NIPBL: variants seen among roughly 807,000 people sequenced by gnomAD.
NIPBL encodes the protein NIPBL cohesin loading factor, also known as nipped-B-like protein.
A neutral mutation model predicts 321.8 loss-of-function variants in NIPBL; 19 were observed. That is an observed-to-expected ratio of 0.06 (90% CI 0.04 to 0.09). The LOEUF (loss-of-function observed/expected upper bound fraction) is 0.09, where lower values mean the gene tolerates loss of function less well. NIPBL is among the 10% of genes least tolerant of loss of function. NIPBL has a pLI of 1.00. For missense variants in NIPBL, 2,210 were observed against 3,327.0 expected, an observed-to-expected ratio of 0.66 and a Z score of 8.26; for synonymous variants, 1,106 against 1,114.1, an observed-to-expected ratio of 0.99 and a Z score of 0.14.
At chr5:36,949,935 G>A (rs1009821567) in intron 1 of NIPBL, among the ~76,000 whole-genome samples, 2 of 151,866 alleles carry the variant, frequency 1.3e-5, no homozygotes, top group African/African-American at 4.8e-5. Context: ...CATTAGAATG[G>A]ACTAAATTGA....
intron 29 of NIPBL, among the ~76,000 whole-genome samples, chr5:37,023,775 T>TA (rs796068369): frequency 0.087 from 12,081 of 138,330 alleles, 700 homozygotes; most frequent in Admixed American, 0.13. Flanking sequence ...TTTTTTTTTT[T>TA]ACATCCCATA....
intron 16 of NIPBL, among the ~76,000 whole-genome samples, chr5:37,004,933 A>G (rs979037324): frequency 6.6e-6 from 1 of 152,210 alleles, no homozygotes; most frequent in African/African-American, 2.4e-5. Flanking sequence ...GGTGTTTACA[A>G]AAGCCACAGG....
rs1245317254 is a variant in NIPBL, at chr5:37,022,813, G to A, written c.5574+423G>A. On this transcript the variant is annotated intron_variant, in intron 29 of 46. Coordinates refer to ENST00000282516, the MANE Select transcript of NIPBL (RefSeq NM_133433.4). The stretch of plus-strand genomic sequence containing the variant: ...CTGACAATATTTTTGGATCCCTTAG[G>A]TGCATCTTCTTGTTTCCTTAAAGCT... Among the ~76,000 whole-genome samples, 3 of 152,104 alleles carry A rather than the reference G, an allele frequency of 2.0e-5. No individual in the cohort carries two copies. In the East Asian group the frequency reaches 5.8e-4, roughly 29 times the overall value.
chr5:36,890,980 T>G (rs1336811645), intron 1 of NIPBL, among the ~76,000 whole-genome samples: 1 of 152,162 alleles, frequency 6.6e-6, no homozygotes, highest in Non-Finnish European at 1.5e-5. Context: ...AATAAAAGAC[T>G]TCAGGCCGGG....
rs774131588 is a variant in NIPBL, at chr5:37,020,766, T to G, written c.5226-9T>G. The G allele has an allele frequency of 1.3e-5, 21 of 1,612,904 alleles. No individual in the cohort carries two copies. The highest frequency in any genetic ancestry group is 1.6e-4 in the Middle Eastern group (1 of 6,080). Reference sequence around the variant, plus strand: ...AGAAAAATAAATTTTTAATGACTTTTTGTTGCAGGATGAACTCTGATACTG... The same window carrying G: ...AGAAAAATAAATTTTTAATGACTTTGTGTTGCAGGATGAACTCTGATACTG... On this transcript the variant is annotated splice_polypyrimidine_tract_variant and intron_variant, in intron 26 of 46. Coordinates refer to ENST00000282516, the MANE Select transcript of NIPBL (RefSeq NM_133433.4).
chr5:37,012,933 C>T (rs1195601111), intron 21 of NIPBL, among the ~76,000 whole-genome samples: 7 of 152,244 alleles, frequency 4.6e-5, no homozygotes. Context: ...TTTTCTATTC[C>T]ACAAAACCGC....
At chr5:37,046,799 G>A (rs1231853006) in intron 38 of NIPBL, among the ~76,000 whole-genome samples, 1 of 152,082 alleles carries the variant, frequency 6.6e-6, no homozygotes, top group Non-Finnish European at 1.5e-5. Context: ...AGAATATGAG[G>A]AAATAGGAGG....
At chr5:36,901,074 A>G (rs1406725982) in intron 1 of NIPBL, among the ~76,000 whole-genome samples, 1 of 152,124 alleles carries the variant, frequency 6.6e-6, no homozygotes, top group African/African-American at 2.4e-5. Context: ...AGTACCTGAC[A>G]GGTAGTTTTT....
chr5:37,013,755 C>T (rs1561158701), intron 21 of NIPBL, among the ~76,000 whole-genome samples: 1 of 152,026 alleles, frequency 6.6e-6, no homozygotes, highest in Non-Finnish European at 1.5e-5. Context: ...CTCCTCACAT[C>T]CCAGACGATG....
At chr5:37,044,055 A>G (rs1206031610) in intron 34 of NIPBL, among the ~76,000 whole-genome samples, 2 of 152,236 alleles carry the variant, frequency 1.3e-5, no homozygotes, top group Non-Finnish European at 2.9e-5. Context: ...AATGCTGTCA[A>G]TATGTAAATA....
chr5:37,004,253 C>G (rs1747160319), intron 16 of NIPBL, among the ~76,000 whole-genome samples: 1 of 152,132 alleles, frequency 6.6e-6, no homozygotes. Context: ...AGCAAATTTC[C>G]TGGGATTTGC....
At chr5:36,952,053 T>TGTGTGTGTGTGTGCGCGC (rs778597604) in intron 1 of NIPBL, among the ~76,000 whole-genome samples, 102 of 112,196 alleles carry the variant, frequency 9.1e-4, no homozygotes, top group East Asian at 3.5e-3. Context: ...TGTGTGTGTG[T>TGTGTGTGTGTGTGCGCGC]GCGCGCGCGC....
Position 36,985,771 on chromosome 5 carries a change from A to T in NIPBL, c.2591A>T (p.Asp864Val). The T allele has an allele frequency of 6.2e-7, 1 of 1,613,892 alleles. No individual in the cohort carries two copies. Among genetic ancestry groups the T allele is most frequent in the Non-Finnish European group, 8.5e-7 (1 of 1,179,938 alleles). ...HGIKSDSSKTDKLERKHRHES... is the reference protein window; with the variant it reads ...HGIKSDSSKTVKLERKHRHES... The stretch of plus-strand genomic sequence containing the variant: ...ATTAAATCTGATAGTTCAAAAACTG[A>T]TAAACTAGAACGAAAACACAGGCAT... The change falls in exon 10 of 47, where the codon GAT (aspartate) becomes GTT (valine). Residue 864 changes from aspartate to valine, a missense_variant. Physicochemically the swap from Asp to Val is radical, Grantham distance 152. Transcript: ENST00000282516.
At chr5:36,914,554 C>T (rs2149549767) in intron 1 of NIPBL, among the ~76,000 whole-genome samples, 1 of 152,268 alleles carries the variant, frequency 6.6e-6, no homozygotes, top group East Asian at 1.9e-4. Flanking sequence ...TACCTCTGGG[C>T]TATGTGTATG....
At chr5:36,938,681 T>A (rs897814208) in intron 1 of NIPBL, among the ~76,000 whole-genome samples, 4 of 152,216 alleles carry the variant, frequency 2.6e-5, no homozygotes, top group African/African-American at 9.6e-5. Context: ...TACTGTTTTT[T>A]AAAATTTTTA....
intron 43 of NIPBL, among the ~76,000 whole-genome samples, chr5:37,058,431 A>G (rs1363639573): frequency 6.6e-6 from 1 of 152,230 alleles, no homozygotes; most frequent in East Asian, 1.9e-4. Context: ...AAGTACAAAG[A>G]AACAGGATTT....
In NIPBL at chr5:37,003,272, C is replaced by T. The variant is rs1445225565; in HGVS notation, c.3780C>T (p.Asp1260=). The T allele has an allele frequency of 6.3e-7, 1 of 1,592,352 alleles. No homozygotes were observed. The highest frequency in any genetic ancestry group is 2.2e-5 in the East Asian group (1 of 44,576). Residue 1260 remains aspartate, a synonymous_variant, in exon 16 of 47, where the codon GAC becomes GAT. Coordinates refer to ENST00000282516, the MANE Select transcript of NIPBL (RefSeq NM_133433.4). ...TATTGCTATTTTAGCTTTCAACTGA[C>T]AAAACTGTGAAAGTCTTAAATATCT... The part of the protein sequence containing the change: ...AMGIMDKLST[D]KTVKVLNILE...
intron 1 of NIPBL, chr5:36,885,544 G>A: frequency 1.9e-6 from 1 of 526,042 alleles, no homozygotes; most frequent in Non-Finnish European, 3.8e-6. Context: ...ACACCCGGGA[G>A]CACCTGGAGA....
intron 9 of NIPBL, among the ~76,000 whole-genome samples, chr5:36,979,191 T>A (rs1446434958): frequency 4.6e-5 from 7 of 152,090 alleles, no homozygotes; most frequent in Non-Finnish European, 8.8e-5. Flanking sequence ...ATAGTCAGTT[T>A]TAACAATATT....
Sources: allele counts gnomAD v4.1 joint callset (sites outside exome capture counted in the v4.1 genomes callset), GRCh38; gene constraint gnomAD v4.1.1; transcripts MANE v1.5; gene names NCBI Gene and HGNC (gene_info 2026-07-23, HGNC 2026-07-21).